The following FHIP2A variants were observed in gnomAD, a reference collection of about 807,000 sequenced individuals.
FHIP2A encodes the protein FHF complex subunit HOOK interacting protein 2A.
In FHIP2A, 46 loss-of-function variants were observed where a neutral mutation model predicts 93.5. The ratio of observed to expected loss-of-function variants is 0.49; its 90% CI spans 0.39 to 0.63. The LOEUF is 0.63. Among genes scored for constraint, FHIP2A ranks in the 20% least tolerant of loss-of-function variants. FHIP2A has a pLI of 0.00. For missense variants in FHIP2A, 769 were observed against 909.7 expected (o/e 0.85, Z 1.99); for synonymous variants, 332 against 326.5 (o/e 1.02, Z -0.18).
chr10:114,823,651 C>T (rs1463970364), intron 1 of FHIP2A, among the ~76,000 whole-genome samples: 1 of 143,388 alleles, frequency 7.0e-6, no homozygotes, highest in Non-Finnish European at 1.5e-5. Context: ...CCCGCCACCA[C>T]ACACGGCTAA....
chr10:114,865,726 G>A (rs1289102182), downstream of FHIP2A, among the ~76,000 whole-genome samples: 1 of 151,920 alleles, frequency 6.6e-6, no homozygotes, highest in East Asian at 1.9e-4. Flanking sequence ...GTAATCCCAA[G>A]GGAATTTAAA....
intron 16 of FHIP2A, among the ~76,000 whole-genome samples, chr10:114,873,958 A>G (rs1006958428): frequency 2.0e-5 from 3 of 152,130 alleles, no homozygotes; most frequent in African/African-American, 2.4e-5. Context: ...GGGGAAAAAA[A>G]AAAACAACCC....
rs2083808832 is a variant in FHIP2A, at chr10:114,862,900, AT to A, written c.*1364del. The A allele has an allele frequency of 1.0e-6, 1 of 985,280 alleles. No homozygotes were observed. Among genetic ancestry groups the A allele is most frequent in the Non-Finnish European group, 1.2e-6 (1 of 829,938 alleles). 61.0% of individuals were successfully genotyped at this position (985,280 alleles called of 1,614,324 possible). A position where few individuals can be genotyped will look rare whatever the true frequency, so the allele number is the denominator to read the frequency against. ...CTGTCACTACCCCCTCTAGGAAGTTATTTTATGTAGCATGTTTGCATATACG... is the reference window on the plus strand; with the variant it reads ...CTGTCACTACCCCCTCTAGGAAGTTATTTATGTAGCATGTTTGCATATACG... On this transcript the variant is annotated 3_prime_UTR_variant, in exon 17 of 17. Coordinates refer to ENST00000369248, the MANE Select transcript of FHIP2A (RefSeq NM_020940.4).
At chr10:114,840,866 A>G (rs993577488) in intron 5 of FHIP2A, among the ~76,000 whole-genome samples, 2 of 152,180 alleles carry the variant, frequency 1.3e-5, no homozygotes, top group African/African-American at 2.4e-5. Flanking sequence ...CGGTATTGCA[A>G]ATCTTTGATT....
intron 1 of FHIP2A, among the ~76,000 whole-genome samples, chr10:114,827,808 A>AG (rs1403651155): frequency 1.3e-5 from 2 of 151,778 alleles, no homozygotes; most frequent in East Asian, 3.9e-4. Flanking sequence ...AAAAAAAAAA[A>AG]AAAAAAAGAG....
chr10:114,884,362 G>C (rs919198678), intron 16 of FHIP2A, among the ~76,000 whole-genome samples: 2 of 152,184 alleles, frequency 1.3e-5, no homozygotes, highest in Non-Finnish European at 2.9e-5. Flanking sequence ...TGGTAAAAAT[G>C]AAAGTCACTT....
At chr10:114,856,047 T>G (rs73367376) in intron 14 of FHIP2A, among the ~76,000 whole-genome samples, 3,420 of 152,306 alleles carry the variant, frequency 0.022, 126 homozygotes, top group African/African-American at 0.078. Flanking sequence ...CTTTCCTCAG[T>G]GTGGAAACTG....
chr10:114,888,427 A>G (rs562421968), intron 16 of FHIP2A, among the ~76,000 whole-genome samples: 1 of 152,286 alleles, frequency 6.6e-6, no homozygotes, highest in Non-Finnish European at 1.5e-5. Flanking sequence ...GGGGAAGTGG[A>G]GGTAGGAAGA....
chr10:114,828,085 A>G (rs1416488318), intron 1 of FHIP2A, among the ~76,000 whole-genome samples: 2 of 152,138 alleles, frequency 1.3e-5, no homozygotes, highest in Non-Finnish European at 2.9e-5. Flanking sequence ...TTAGTAATGA[A>G]AGTTTACCAG....
In FHIP2A at chr10:114,848,682, C is replaced by T. The variant is rs762215280; in HGVS notation, c.1748C>T (p.Ser583Phe). Reference protein sequence around the residue: ...LCLVPDDAKSSYHVEGTGYDT... With the variant: ...LCLVPDDAKSFYHVEGTGYDT... ...CTGGTACCGGATGACGCAAAATCCT[C>T]CTACCATGTTGAGGGCACAGGATAT... The change falls in exon 13 of 17, where the codon TCC becomes TTC. Residue 583 changes from serine to phenylalanine, a missense_variant. Ser to Phe is a radical substitution (Grantham distance 155). Transcript: ENST00000369248. 6.8e-6 allele frequency: 11 copies of T among 1,612,938 alleles called. No individual in the cohort carries two copies. The highest frequency in any genetic ancestry group is 1.7e-5 in the Admixed American group (1 of 59,936).
chr10:114,882,979 G>A (rs972995003), intron 16 of FHIP2A, among the ~76,000 whole-genome samples: 9 of 152,150 alleles, frequency 5.9e-5, no homozygotes, highest in African/African-American at 2.2e-4. Flanking sequence ...GCAAGGCAAT[G>A]CCAGGCGGGA....
At chr10:114,841,111 A>G (rs751850863) in intron 5 of FHIP2A, among the ~76,000 whole-genome samples, 4 of 152,116 alleles carry the variant, frequency 2.6e-5, no homozygotes, top group Non-Finnish European at 2.9e-5. Context: ...CAAGCCCCAC[A>G]GAAGACCAGG....
intron 2 of FHIP2A, among the ~76,000 whole-genome samples, chr10:114,831,764 G>A (rs1263282640): frequency 6.6e-6 from 1 of 152,054 alleles, no homozygotes; most frequent in Non-Finnish European, 1.5e-5. Flanking sequence ...ATAGTTGTTG[G>A]TGACTGATGC....
chr10:114,867,851 C>G (rs1033420644), downstream of FHIP2A, among the ~76,000 whole-genome samples: 5 of 152,214 alleles, frequency 3.3e-5, no homozygotes, highest in African/African-American at 1.2e-4. Flanking sequence ...CTTCTGCTGC[C>G]TTCATACCTA....
rs1309098395 is a variant in FHIP2A, at chr10:114,847,373, C to T, written c.1712+140C>T. 19 of 653,922 alleles carry T rather than the reference C, an allele frequency of 2.9e-5. 1 individual carries two copies. The Admixed American group carries it at 6.8e-4, about 23-fold the overall frequency. The allele number at this position is 653,922 out of a possible 1,614,324, so 40.5% of individuals were successfully genotyped here. ...GCACGATCTCTGCTCACTGCAACCT[C>T]CGCCTCCTGGGTTTAAGCGATTCTC... On this transcript the variant is annotated intron_variant, in intron 12 of 16. Transcript: ENST00000369248.
At chr10:114,845,622 GTA>G in intron 8 of FHIP2A, 141 bp downstream of exon 8, 1 of 612,456 alleles carries the variant, frequency 1.6e-6, no homozygotes, top group East Asian at 2.8e-5. Context: ...ACAAAAAAGT[GTA>G]TATGTGTTTG....
At chr10:114,836,651 G>A (rs1043108346) in intron 5 of FHIP2A, among the ~76,000 whole-genome samples, 2 of 152,164 alleles carry the variant, frequency 1.3e-5, no homozygotes, top group Non-Finnish European at 2.9e-5. Context: ...AAAAGCACGA[G>A]TTATCTCTCC....
intron 1 of FHIP2A, among the ~76,000 whole-genome samples, chr10:114,825,231 G>A (rs2083566382): frequency 6.6e-6 from 1 of 152,072 alleles, no homozygotes; most frequent in Non-Finnish European, 1.5e-5. Context: ...TAGACACTGT[G>A]CCCAGGTTGG....
chr10:114,861,450 A>T lies in FHIP2A; in HGVS notation c.2208A>T (p.Thr736=), dbSNP rs767084493. The T allele has an allele frequency of 6.2e-7, 1 of 1,614,054 alleles. No homozygotes were observed. Among genetic ancestry groups the T allele is most frequent in the Non-Finnish European group, 8.5e-7 (1 of 1,180,012 alleles). ...TCCTTACCAGTATTGACCACATCACACTGCTAGAGGGTGTGATTGTGTTAG... is the reference window on the plus strand; with the variant it reads ...TCCTTACCAGTATTGACCACATCACTCTGCTAGAGGGTGTGATTGTGTTAG... ...EPEGPIIDHI[T]LLEGVIVLEE... is the part of the protein sequence containing the mutation. The change falls in exon 17 of 17, where the codon ACA becomes ACT. Residue 736 remains threonine (T), a synonymous_variant. Transcript: ENST00000369248.
Sources: gnomAD v4.1 joint callset for allele counts (sites outside exome capture counted in the v4.1 genomes callset) on GRCh38, gnomAD v4.1.1 for gene constraint, MANE v1.5 for transcripts, NCBI Gene and HGNC (gene_info 2026-07-23, HGNC 2026-07-21) for gene names.